TEK: variants seen among roughly 807,000 people sequenced by gnomAD.
TEK encodes the protein angiopoietin-1 receptor.
TEK carries 43 observed loss-of-function variants against 131.8 expected under a neutral mutation model. The observed-to-expected ratio is 0.33, with a 90% CI of 0.26 to 0.42. TEK has a LOEUF of 0.42. Among genes scored for constraint, TEK ranks in the 10% least tolerant of loss-of-function variants. The probability of loss-of-function intolerance (pLI) is 1.00; values close to 1 mark genes in which losing one functional copy is unlikely to be tolerated. For missense variants in TEK, 1,162 were observed against 1,384.4 expected, an observed-to-expected ratio of 0.84 and a Z score of 2.55; for synonymous variants, 580 against 491.6, an observed-to-expected ratio of 1.18 and a Z score of -2.38.
chr9:27,200,431 C>T (rs1017684275), intron 12 of TEK, among the ~76,000 whole-genome samples: 1 of 152,138 alleles, frequency 6.6e-6, no homozygotes, highest in African/African-American at 2.4e-5. Context: ...TGGGAGTCGA[C>T]TTGCCTTGGA....
At chr9:27,194,336 T>TA (rs1446143910) in intron 11 of TEK, among the ~76,000 whole-genome samples, 2 of 152,178 alleles carry the variant, frequency 1.3e-5, no homozygotes, top group Non-Finnish European at 2.9e-5. Flanking sequence ...ACCTAGTTTT[T>TA]ATGTTACTAG....
At chr9:27,130,777 A>G (rs759773530) in intron 1 of TEK, among the ~76,000 whole-genome samples, 3 of 152,048 alleles carry the variant, frequency 2.0e-5, no homozygotes, top group Admixed American at 1.3e-4. Flanking sequence ...GGATTTCAAC[A>G]TGTTGATCAG....
At chr9:27,173,104 C>T in intron 5 of TEK, 118 bp from the exon 6 acceptor site, 4 of 1,365,400 alleles carry the variant, frequency 2.9e-6, no homozygotes, top group South Asian at 1.2e-5. Flanking sequence ...TACCATGCCA[C>T]AGCTGAGATT....
At chr9:27,127,988 C>T (rs2131055130) in intron 1 of TEK, among the ~76,000 whole-genome samples, 1 of 152,222 alleles carries the variant, frequency 6.6e-6, no homozygotes, top group South Asian at 2.1e-4. Context: ...TAATTAGATC[C>T]CATTTGTCAA....
chr9:27,192,462 A>G lies in TEK; in HGVS notation c.1490-27A>G, dbSNP rs530480774. 6 of 1,613,714 alleles carry G rather than the reference A, an allele frequency of 3.7e-6. No homozygotes were observed. In the Admixed American group the frequency reaches 8.3e-5, roughly 22 times the overall value. On this transcript the variant is annotated intron_variant, in intron 10 of 22. Transcript: ENST00000380036. ...AGGAATGTAAGAGAATGCCAACTTA[A>G]GTTTCCTGGACGTTTTCTCTTCTCA...
At chr9:27,148,563 A>G (rs1378230143) in intron 1 of TEK, among the ~76,000 whole-genome samples, 1 of 152,192 alleles carries the variant, frequency 6.6e-6, no homozygotes, top group Non-Finnish European at 1.5e-5. Context: ...CCAGTGGGAG[A>G]GCCCAGTGGG....
At chr9:27,217,585 T>C in intron 18 of TEK, 103 bp from the exon 19 acceptor site, 1 of 988,570 alleles carries the variant, frequency 1.0e-6, no homozygotes, top group African/African-American at 1.6e-5. Flanking sequence ...CAATGATTTC[T>C]GAGTCTACCC....
Position 27,109,518 on chromosome 9 carries a change from C to G in TEK, c.-73C>G. 6.5e-7 allele frequency: 1 copy of G among 1,530,466 alleles called. No individual in the cohort carries two copies. Among genetic ancestry groups the G allele is most frequent in the East Asian group, 2.2e-5 (1 of 44,456 alleles). 94.8% of individuals were successfully genotyped at this position (1,530,466 alleles called of 1,614,324 possible). On this transcript the variant is annotated 5_prime_UTR_variant, in exon 1 of 23. Transcript: ENST00000380036. Reference sequence around the variant, plus strand: ...ACGATGCTAATGGAAAGTCACAAACCGCTGGGTTTTTGAAAGGATCCTTGG... The same window carrying G: ...ACGATGCTAATGGAAAGTCACAAACGGCTGGGTTTTTGAAAGGATCCTTGG...
chr9:27,228,024 A>G lies in TEK; in HGVS notation c.3201-182A>G, dbSNP rs2273717. Among the ~76,000 whole-genome samples the G allele has an allele frequency of 0.89, 136,086 of 152,082 alleles. 60,923 individuals carry two copies. The highest frequency in any genetic ancestry group is 0.91 in the Non-Finnish European group (61,879 of 68,002). On this transcript the variant is annotated intron_variant, in intron 21 of 22. Transcript: ENST00000380036. ...ACCGAGGGTAGGAACTAAATCTATGAGGAGTTGAAATGAGACTGGCTTAGG... is the reference window on the plus strand; with the variant it reads ...ACCGAGGGTAGGAACTAAATCTATGGGGAGTTGAAATGAGACTGGCTTAGG...
chr9:27,219,461 A>G (rs1478672059), intron 20 of TEK, among the ~76,000 whole-genome samples: 2 of 152,114 alleles, frequency 1.3e-5, no homozygotes, highest in Non-Finnish European at 2.9e-5. Context: ...CACAGGGAGG[A>G]TAACATCACA....
chr9:27,162,729 T>C (rs944990638), intron 2 of TEK, among the ~76,000 whole-genome samples: 22 of 152,130 alleles, frequency 1.4e-4, no homozygotes, highest in African/African-American at 5.3e-4. Context: ...TTTCTTTTTT[T>C]TTTTTAGACG....
rs1232408688 is a variant in TEK, at chr9:27,211,879, G to A, written c.2687-828G>A. 2.8e-4 allele frequency among the ~76,000 whole-genome samples: 42 copies of A among 151,658 alleles called. 1 individual carries two copies. The highest frequency in any genetic ancestry group is 2.9e-5 in the Non-Finnish European group (2 of 67,976). ...CTTTACATTTTTAGTAGGTATAAAT[G>A]TCGATGTTTTTAGCAAGTAAATTCC... is the stretch of plus-strand genomic sequence containing the variant. On this transcript the variant is annotated intron_variant, in intron 16 of 22. Coordinates refer to ENST00000380036, the MANE Select transcript of TEK (RefSeq NM_000459.5).
rs1388108883 is a variant in TEK, at chr9:27,197,720, G to A, written c.1909+121G>A. 5.9e-6 allele frequency: 7 copies of A among 1,186,364 alleles called. No homozygotes were observed. In the African/African-American group the frequency reaches 1.1e-4, roughly 18 times the overall value. The allele number at this position is 1,186,364 out of a possible 1,614,324, so 73.5% of individuals were successfully genotyped here. ...GAAAGAAAGTTAGTTGTGAGAGAAG[G>A]CTAATTAGTGCCCCCCACCTAATCA... is the stretch of plus-strand genomic sequence containing the variant. On this transcript the variant is annotated intron_variant, in intron 12 of 22. Transcript: ENST00000380036.
At chr9:27,203,195 G>A (rs1165195522) in intron 13 of TEK, 76 bp downstream of exon 13, 7 of 1,527,742 alleles carry the variant, frequency 4.6e-6, no homozygotes, top group African/African-American at 4.1e-5. Context: ...GGACAGGCCT[G>A]TGAGATGAAA....
At chr9:27,163,063 C>T (rs1823603078) in intron 2 of TEK, among the ~76,000 whole-genome samples, 1 of 152,232 alleles carries the variant, frequency 6.6e-6, no homozygotes, top group Admixed American at 6.5e-5. Flanking sequence ...TTCCTGAATA[C>T]TTGTATGCCT....
At chr9:27,145,920 C>A (rs894229129) in intron 1 of TEK, among the ~76,000 whole-genome samples, 3 of 152,132 alleles carry the variant, frequency 2.0e-5, no homozygotes, top group African/African-American at 7.2e-5. Flanking sequence ...AAATGAAATA[C>A]AAAACTAAGC....
Position 27,204,974 on chromosome 9 carries a change from C to T in TEK, c.2273C>T (p.Thr758Ile). Residue 758 changes from threonine to isoleucine, a missense_variant, in exon 14 of 23, where the codon ACC becomes ATC. Coordinates refer to ENST00000380036, the MANE Select transcript of TEK (RefSeq NM_000459.5). The stretch of plus-strand genomic sequence containing the variant: ...GCCATCCTTGGCTCTGCTGGAATGA[C>T]CTGCCTGACTGTGCTGTTGGCCTTT... ...LIAILGSAGM[T>I]CLTVLLAFLI... The T allele has an allele frequency of 3.7e-6, 6 of 1,614,058 alleles. No homozygotes were observed. The highest frequency in any genetic ancestry group is 4.2e-6 in the Non-Finnish European group (5 of 1,179,938).
At chr9:27,173,453 C>G (rs1248771636) in intron 6 of TEK, 91 bp downstream of exon 6, 2 of 1,534,638 alleles carry the variant, frequency 1.3e-6, no homozygotes, top group Non-Finnish European at 1.8e-6. Context: ...TCGGATATAC[C>G]TGGACTGCTT....
At chr9:27,156,286 T>C (rs1365298460) in intron 1 of TEK, among the ~76,000 whole-genome samples, 1 of 152,112 alleles carries the variant, frequency 6.6e-6, no homozygotes, top group African/African-American at 2.4e-5. Flanking sequence ...TGTAAACCAA[T>C]TCCTAAATTC....
Sources: gnomAD v4.1 joint callset for allele counts (sites outside exome capture counted in the v4.1 genomes callset) on GRCh38, gnomAD v4.1.1 for gene constraint, MANE v1.5 for transcripts, NCBI Gene and HGNC (gene_info 2026-07-23, HGNC 2026-07-21) for gene names.